Variants in LRRC4 observed in about 807,000 individuals in gnomAD.
LRRC4 encodes the protein leucine rich repeat containing 4, also known as leucine-rich repeat-containing protein 4.
In LRRC4, 11 loss-of-function variants were observed where a neutral mutation model predicts 37.9. That is an observed-to-expected ratio of 0.29 (90% CI 0.18 to 0.48). The LOEUF (loss-of-function observed/expected upper bound fraction) is 0.48. Among genes scored for constraint, LRRC4 ranks in the 20% least tolerant of loss-of-function variants. LRRC4 has a pLI of 0.99. For synonymous variants in LRRC4, 404 were observed against 346.7 expected, an observed-to-expected ratio of 1.17 and a Z score of -1.84; for missense variants, 717 against 842.1, an observed-to-expected ratio of 0.85 and a Z score of 1.84.
chr7:128,030,211 C>G lies in LRRC4; in HGVS notation c.430G>C (p.Glu144Gln), dbSNP rs765859093. Residue 144 changes from glutamate to glutamine, a missense_variant, in exon 2 of 2, where the codon GAA becomes CAA. Around this residue, in one of 5 missense-constraint regions of LRRC4, gnomAD observed 138 missense variants for 261.0 expected, o/e 0.53. Coordinates refer to ENST00000249363, the MANE Select transcript of LRRC4 (RefSeq NM_022143.5). Reference protein sequence around the residue: ...WLTVIPSGAFEYLSKLRELWL... With the variant: ...WLTVIPSGAFQYLSKLRELWL... ...AGCTCCCGCAGCTTGGACAGGTATT[C>G]AAAGGCCCCGCTAGGGATGACTGTC... 1.2e-6 allele frequency: 2 copies of G among 1,614,098 alleles called. No individual in the cohort carries two copies. The highest frequency in any genetic ancestry group is 2.7e-5 in the African/African-American group (2 of 74,936).
In LRRC4 at chr7:128,029,756, C is replaced by T; in HGVS notation, c.885G>A (p.Leu295=). 6.2e-7 allele frequency: 1 copy of T among 1,613,154 alleles called. No individual in the cohort carries two copies. Among genetic ancestry groups the T allele is most frequent in the Admixed American group, 1.7e-5 (1 of 59,954 alleles). ...AGTTCCAAGGGTTGTGGTGTAGATG[C>T]AACTCCACCAGGTACCTCAGCGGGG... ...LFTPLRYLVE[L]HLHHNPWNCD... Residue 295 remains leucine (L), a synonymous_variant, in exon 2 of 2, where the codon TTG becomes TTA. Transcript: ENST00000249363. This position sits in a 1 kb window ranked among gnomAD's most constrained non-coding sequence, Gnocchi z 4.2.
chr7:128,031,993 G>A (rs1380300395), upstream of LRRC4: 7 of 149,032 alleles, frequency 4.7e-5, no homozygotes, highest in Admixed American at 4.6e-4. Flanking sequence ...GCAGCAGCGG[G>A]GCCCCTGCGC....
chr7:128,028,474 C>T lies in LRRC4; in HGVS notation c.*205G>A, dbSNP rs1803544406. 2 of 504,786 alleles carry T rather than the reference C, an allele frequency of 4.0e-6. No individual in the cohort carries two copies. Among genetic ancestry groups the T allele is most frequent in the Non-Finnish European group, 3.4e-6 (1 of 296,958 alleles). The allele number at this position is 504,786 out of a possible 1,614,324, so 31.3% of individuals were successfully genotyped here. On this transcript the variant is annotated 3_prime_UTR_variant, in exon 2 of 2. Coordinates refer to ENST00000249363, the MANE Select transcript of LRRC4 (RefSeq NM_022143.5). ...ACAACGTTCCCAAGATTCCCCCCCA[C>T]CCCCTTTAAATAGAACTTACAAGTT...
chr7:128,031,742 G>GCGGCGGCCGCAGCCCC (rs1167032275), upstream of LRRC4: 1 of 144,538 alleles, frequency 6.9e-6, no homozygotes, highest in African/African-American at 2.5e-5. Flanking sequence ...TCCGGCGGCG[G>GCGGCGGCCGCAGCCCC]CGGCGGCCGC....
rs953257429 is a variant in LRRC4 at position 128,030,312 on chromosome 7, G to C, written c.329C>G (p.Ser110Cys). 5 of 1,614,034 alleles carry C rather than the reference G, an allele frequency of 3.1e-6. No individual in the cohort carries two copies. In the African/African-American group the frequency reaches 6.7e-5, roughly 22 times the overall value. The change falls in exon 2 of 2, where the codon TCC becomes TGC. Residue 110 changes from serine (S) to cysteine (C), a missense_variant. Ser to Cys is a moderately radical substitution (Grantham distance 112). Coordinates refer to ENST00000249363, the MANE Select transcript of LRRC4 (RefSeq NM_022143.5). The part of the protein sequence containing the change: ...HLEVLQLGRN[S>C]IRQIEVGAFN... ...GGCCCCCACCTCAATCTGCCGGATG[G>C]AGTTCCTGCCCAACTGCAGGACCTC...
rs780892239 is a variant in LRRC4, at chr7:128,031,099, G to C, written c.-287C>G. 951 of 153,162 alleles carry C rather than the reference G, an allele frequency of 6.2e-3. 16 individuals are homozygous for C. The highest frequency in any genetic ancestry group is 6.9e-3 in the Non-Finnish European group (476 of 68,690). 9.5% of individuals were successfully genotyped at this position (153,162 alleles called of 1,614,324 possible). ...GGTGGGGGAGACAAAATGGCCTCTAGTAAATCCGGAGCCGGAGCCGGCGAA... is the reference window on the plus strand; with the variant it reads ...GGTGGGGGAGACAAAATGGCCTCTACTAAATCCGGAGCCGGAGCCGGCGAA... On this transcript the variant is annotated 5_prime_UTR_variant, in exon 1 of 2. It introduces an in-frame stop codon into an upstream open reading frame of the 5' UTR. Coordinates refer to ENST00000249363, the MANE Select transcript of LRRC4 (RefSeq NM_022143.5).
In LRRC4 at chr7:128,029,789, G is replaced by T; in HGVS notation, c.852C>A (p.Asp284Glu). 4 of 1,613,884 alleles carry T rather than the reference G, an allele frequency of 2.5e-6. No individual in the cohort carries two copies. Among genetic ancestry groups the T allele is most frequent in the Non-Finnish European group, 3.4e-6 (4 of 1,180,046 alleles). ...CCAGGTACCTCAGCGGGGTAAAGAG[G>T]TCATGGGGCAAAGAAGAGAGGTTAT... Reference protein sequence around the residue: ...AHNNLSSLPHDLFTPLRYLVE... With the variant: ...AHNNLSSLPHELFTPLRYLVE... Residue 284 changes from aspartate to glutamate, a missense_variant, in exon 2 of 2, where the codon GAC (aspartate) becomes GAA (glutamate). Transcript: ENST00000249363. The surrounding 1 kb of genome is among the most constrained non-coding windows in gnomAD (Gnocchi z 4.2).
Position 128,029,544 on chromosome 7 carries a change from T to G in LRRC4, c.1097A>C (p.Glu366Ala). 2.5e-6 allele frequency: 4 copies of G among 1,613,894 alleles called. No individual in the cohort carries two copies. The highest frequency in any genetic ancestry group is 3.4e-6 in the Non-Finnish European group (4 of 1,179,996). ...ACACTTAAGTTCTGCCATCCGACCC[T>G]CAGAAATGTTGAGGTCTCGAGGTGC... ...MDAPRDLNIS[E>A]GRMAELKCRT... Residue 366 changes from glutamate (E) to alanine (A), a missense_variant, in exon 2 of 2, where the codon GAG becomes GCG. Glu to Ala is a moderately radical substitution (Grantham distance 107). Transcript: ENST00000249363. This position sits in a 1 kb window ranked among gnomAD's most constrained non-coding sequence, Gnocchi z 4.2.
In LRRC4 at chr7:128,027,969, T is replaced by C. The variant is rs1803527643; in HGVS notation, c.*710A>G. 1 of 152,534 alleles carries C rather than the reference T, an allele frequency of 6.6e-6. No homozygotes were observed. 9.4% of individuals were successfully genotyped at this position (152,534 alleles called of 1,614,324 possible). ...GCTCCCGTCCTTCTCTGCTCCTTTC[T>C]AAGCAATTCTGTCAGGCAAGGCACA... On this transcript the variant is annotated 3_prime_UTR_variant, in exon 2 of 2. Transcript: ENST00000249363.
chr7:128,031,797 C>T (rs1468746558), upstream of LRRC4, among the ~76,000 whole-genome samples: 1 of 147,026 alleles, frequency 6.8e-6, no homozygotes, highest in Non-Finnish European at 1.5e-5. Flanking sequence ...CGCCGCTGCC[C>T]GGCCCCCGGC....
In LRRC4 at chr7:128,029,783, A is replaced by C; in HGVS notation, c.858T>G (p.Phe286Leu). The C allele has an allele frequency of 6.2e-7, 1 of 1,613,956 alleles. No individual in the cohort carries two copies. The highest frequency in any genetic ancestry group is 8.5e-7 in the Non-Finnish European group (1 of 1,180,028). The change falls in exon 2 of 2, where the codon TTT (phenylalanine) becomes TTG (leucine). Residue 286 changes from phenylalanine to leucine, a missense_variant. Physicochemically the swap from Phe to Leu is conservative, Grantham distance 22. Around this residue, in one of 5 missense-constraint regions of LRRC4, gnomAD observed 138 missense variants for 261.0 expected, o/e 0.53. Transcript: ENST00000249363. This position sits in a 1 kb window ranked among gnomAD's most constrained non-coding sequence, Gnocchi z 4.2. The stretch of plus-strand genomic sequence containing the variant: ...ACTCCACCAGGTACCTCAGCGGGGT[A>C]AAGAGGTCATGGGGCAAAGAAGAGA... Reference protein sequence around the residue: ...NNLSSLPHDLFTPLRYLVELH... With the variant: ...NNLSSLPHDLLTPLRYLVELH...
In LRRC4 at chr7:128,028,926, T is replaced by C. The variant is rs765678819; in HGVS notation, c.1715A>G (p.Asp572Gly). Reference sequence around the variant, plus strand: ...GGATGTTGCTGCTGGGATGTCTTCGTCCACCTGGATTATCTCAACAGTCCG... The same window carrying C: ...GGATGTTGCTGCTGGGATGTCTTCGCCCACCTGGATTATCTCAACAGTCCG... ...AARTVEIIQV[D>G]EDIPAATSAA... is the part of the protein sequence containing the mutation. The change falls in exon 2 of 2, where the codon GAC becomes GGC. Residue 572 changes from aspartate (D) to glycine (G), a missense_variant. Transcript: ENST00000249363. 6.2e-7 allele frequency: 1 copy of C among 1,611,196 alleles called. No homozygotes were observed. Among genetic ancestry groups the C allele is most frequent in the Admixed American group, 1.7e-5 (1 of 59,428 alleles).
chr7:128,028,559 A>G lies in LRRC4; in HGVS notation c.*120T>C. 1.1e-6 allele frequency: 1 copy of G among 906,452 alleles called. No homozygotes were observed. The highest frequency in any genetic ancestry group is 1.6e-6 in the Non-Finnish European group (1 of 615,564). The allele number at this position is 906,452 out of a possible 1,614,324, so 56.2% of individuals were successfully genotyped here. A position where few individuals can be genotyped will look rare whatever the true frequency, so the allele number is the denominator to read the frequency against. On this transcript the variant is annotated 3_prime_UTR_variant, in exon 2 of 2. Coordinates refer to ENST00000249363, the MANE Select transcript of LRRC4 (RefSeq NM_022143.5). The stretch of plus-strand genomic sequence containing the variant: ...ATTTTAATATAATCTGTTTTTTTTA[A>G]CCAGCCCATAGACTTAATATATAAG...
upstream of LRRC4, chr7:128,031,960 C>T (rs1257482357): frequency 6.6e-6 from 1 of 151,368 alleles, no homozygotes; most frequent in African/African-American, 2.4e-5. Context: ...GAACATAGTC[C>T]CCGCTGGCTA....
rs565290017 is a variant in LRRC4, at chr7:128,030,074, C to T, written c.567G>A (p.Glu189=). Reference sequence around the variant, plus strand: ...GGTTGAACAGCCCCTCAAAAGCTCCCTCAGAGATATACTCCAGCTTCTTGA... The same window carrying T: ...GGTTGAACAGCCCCTCAAAAGCTCCTTCAGAGATATACTCCAGCTTCTTGA... ...GELKKLEYIS[E]GAFEGLFNLK... is the part of the protein sequence containing the mutation. The change falls in exon 2 of 2, where the codon GAG becomes GAA. Residue 189 remains glutamate (E), a synonymous_variant. Transcript: ENST00000249363. 2.5e-6 allele frequency: 4 copies of T among 1,613,434 alleles called. No homozygotes were observed. The African/African-American group carries it at 5.3e-5, about 22-fold the overall frequency.
In LRRC4 at chr7:128,029,238, T is replaced by A. The variant is rs959348549; in HGVS notation, c.1403A>T (p.Asp468Val). The A allele has an allele frequency of 1.9e-6, 3 of 1,614,026 alleles. No homozygotes were observed. The highest frequency in any genetic ancestry group is 2.5e-6 in the Non-Finnish European group (3 of 1,180,010). The change falls in exon 2 of 2, where the codon GAC becomes GTC. Residue 468 changes from aspartate (D) to valine (V), a missense_variant. This residue lies in a region of LRRC4 where 293 missense variants were observed against 268.3 expected (regional missense o/e 1.09). Transcript: ENST00000249363. The surrounding 1 kb of genome is among the most constrained non-coding windows in gnomAD (Gnocchi z 4.2). Reference protein sequence around the residue: ...TVETTEISPEDTTRKYKPVPT... With the variant: ...TVETTEISPEVTTRKYKPVPT... Reference sequence around the variant, plus strand: ...AACAGGCTTGTACTTTCGCGTTGTGTCCTCAGGCGAGATCTCCGTGGTCTC... The same window carrying A: ...AACAGGCTTGTACTTTCGCGTTGTGACCTCAGGCGAGATCTCCGTGGTCTC...
Position 128,029,602 on chromosome 7 carries a change from A to G in LRRC4, c.1039T>C (p.Ser347Pro). The G allele has an allele frequency of 1.2e-6, 2 of 1,614,058 alleles. No homozygotes were observed. The highest frequency in any genetic ancestry group is 1.7e-6 in the Non-Finnish European group (2 of 1,180,012). Residue 347 changes from serine to proline, a missense_variant, in exon 2 of 2, where the codon TCC becomes CCC. This residue lies in a region of LRRC4 where 293 missense variants were observed against 268.3 expected (regional missense o/e 1.09). Coordinates refer to ENST00000249363, the MANE Select transcript of LRRC4 (RefSeq NM_022143.5). The surrounding 1 kb of genome is among the most constrained non-coding windows in gnomAD (Gnocchi z 4.2). ...ATGAAGGGGGCAGAGCACTGGAAGG[A>G]GGCCTGGTCCACCTCCACGAGGTAG... ...GRYLVEVDQASFQCSAPFIMD... is the reference protein window; with the variant it reads ...GRYLVEVDQAPFQCSAPFIMD...
In LRRC4 at chr7:128,029,172, G is replaced by A; in HGVS notation, c.1469C>T (p.Ser490Phe). Reference sequence around the variant, plus strand: ...GGTAGTCTGAATGAGCACCGTGGTAGAGGTGGTATATGCCGGCTGGTAACC... The same window carrying A: ...GGTAGTCTGAATGAGCACCGTGGTAAAGGTGGTATATGCCGGCTGGTAACC... ...STGYQPAYTT[S>F]TTVLIQTTRV... Residue 490 changes from serine to phenylalanine, a missense_variant, in exon 2 of 2, where the codon TCT becomes TTT. Around this residue, in one of 5 missense-constraint regions of LRRC4, gnomAD observed 293 missense variants for 268.3 expected, o/e 1.09. Coordinates refer to ENST00000249363, the MANE Select transcript of LRRC4 (RefSeq NM_022143.5). This position sits in a 1 kb window ranked among gnomAD's most constrained non-coding sequence, Gnocchi z 4.2. 6.2e-7 allele frequency: 1 copy of A among 1,614,152 alleles called. No homozygotes were observed. The highest frequency in any genetic ancestry group is 8.5e-7 in the Non-Finnish European group (1 of 1,180,028).
Position 128,029,402 on chromosome 7 carries a change from G to A in LRRC4, c.1239C>T (p.His413=), listed in dbSNP as rs766500767. 5 of 1,614,230 alleles carry A rather than the reference G, an allele frequency of 3.1e-6. No homozygotes were observed. Among genetic ancestry groups the A allele is most frequent in the East Asian group, 4.5e-5 (2 of 44,892 alleles). ...VLNDGTLNFS[H]VLLSDTGVYT... ...ACACCCCAGTGTCTGAAAGCAGCAC[G>A]TGGGAAAAGTTCAAGGTGCCGTCGT... Residue 413 remains histidine (H), a synonymous_variant, in exon 2 of 2, where the codon CAC becomes CAT. Coordinates refer to ENST00000249363, the MANE Select transcript of LRRC4 (RefSeq NM_022143.5). The surrounding 1 kb of genome is among the most constrained non-coding windows in gnomAD (Gnocchi z 4.2).
Sources: allele counts gnomAD v4.1 joint callset (sites outside exome capture counted in the v4.1 genomes callset), GRCh38; gene constraint gnomAD v4.1.1; regional missense constraint gnomAD v4.1.1; non-coding constraint Gnocchi (gnomAD v3.1); transcripts MANE v1.5; gene names NCBI Gene and HGNC (gene_info 2026-07-23, HGNC 2026-07-21).